Variants in CDH12 observed in about 807,000 individuals in gnomAD.
The protein encoded by CDH12 is cadherin 12, also known as cadherin-12.
In CDH12, 41 loss-of-function variants were observed where a neutral mutation model predicts 74.1. The observed-to-expected ratio is 0.55, with a 90% CI of 0.43 to 0.72. The LOEUF (loss-of-function observed/expected upper bound fraction) is 0.72. CDH12 is among the 30% of genes least tolerant of loss of function. The probability of loss-of-function intolerance (pLI) is 0.00; values close to 1 mark genes in which losing one functional copy is unlikely to be tolerated. For synonymous variants in CDH12, 399 were observed against 355.0 expected (o/e 1.12, Z -1.39); for missense variants, 945 against 977.2 (o/e 0.97, Z 0.44).
intron 4 of CDH12, among the ~76,000 whole-genome samples, chr5:22,211,768 A>G (rs1485022240): frequency 6.6e-6 from 1 of 151,130 alleles, no homozygotes; most frequent in South Asian, 2.1e-4. Context: ...ATAAAACATA[A>G]AAAAGATTTT....
intron 3 of CDH12, among the ~76,000 whole-genome samples, chr5:22,266,365 G>A (rs1365911034): frequency 6.6e-6 from 1 of 152,026 alleles, no homozygotes; most frequent in Non-Finnish European, 1.5e-5. Context: ...GAGCCACCAT[G>A]CCTGGCAAGC....
At chr5:22,035,386 G>GTATA (rs151272918) in intron 5 of CDH12, among the ~76,000 whole-genome samples, 16 of 149,472 alleles carry the variant, frequency 1.1e-4, no homozygotes, top group African/African-American at 3.2e-4. Flanking sequence ...TCTGGCCTGT[G>GTATA]TATATATATA....
At chr5:22,186,581 C>T (rs1290192326) in intron 4 of CDH12, among the ~76,000 whole-genome samples, 2 of 152,288 alleles carry the variant, frequency 1.3e-5, no homozygotes, top group Middle Eastern at 3.4e-3. Context: ...AGTGATGCTC[C>T]TGCCTCAGAC....
chr5:22,647,762 A>G (rs994707910), intron 1 of CDH12, among the ~76,000 whole-genome samples: 4 of 151,836 alleles, frequency 2.6e-5, no homozygotes, highest in Non-Finnish European at 1.5e-5. Flanking sequence ...TAATTTTTCT[A>G]TTGCAGATAT....
intron 3 of CDH12, among the ~76,000 whole-genome samples, chr5:22,298,302 G>A (rs1431668544): frequency 2.0e-5 from 3 of 151,788 alleles, no homozygotes; most frequent in African/African-American, 7.2e-5. Context: ...GAATATGAGT[G>A]TGTATGTATA....
intron 2 of CDH12, among the ~76,000 whole-genome samples, chr5:22,429,431 G>C (rs935392795): frequency 6.6e-6 from 1 of 152,058 alleles, no homozygotes; most frequent in Non-Finnish European, 1.5e-5. Flanking sequence ...GAGCCACTGT[G>C]CCTGGCTATC....
intron 3 of CDH12, among the ~76,000 whole-genome samples, chr5:22,297,451 A>T (rs1737681213): frequency 6.6e-6 from 1 of 152,240 alleles, no homozygotes; most frequent in Admixed American, 6.5e-5. Flanking sequence ...GCTTAAAAAG[A>T]AGATATGTAT....
At chr5:21,951,251 T>C (rs1755847946) in intron 6 of CDH12, among the ~76,000 whole-genome samples, 1 of 152,096 alleles carries the variant, frequency 6.6e-6, no homozygotes, top group Admixed American at 6.6e-5. Flanking sequence ...TTAATATTTA[T>C]TTATTTATTT....
chr5:21,815,907 A>G (rs1748013413), intron 9 of CDH12, among the ~76,000 whole-genome samples: 1 of 152,206 alleles, frequency 6.6e-6, no homozygotes, highest in African/African-American at 2.4e-5. Flanking sequence ...GCAATAAAAA[A>G]TTAGGTTACA....
At chr5:22,659,298 A>C (rs572902231) in intron 1 of CDH12, among the ~76,000 whole-genome samples, 13 of 152,110 alleles carry the variant, frequency 8.5e-5, no homozygotes, top group South Asian at 2.1e-4. Context: ...TAGAGAAATT[A>C]CCTCTATCTC....
At chr5:22,796,056 T>C (rs911568090) in intron 1 of CDH12, among the ~76,000 whole-genome samples, 2 of 152,152 alleles carry the variant, frequency 1.3e-5, no homozygotes, top group African/African-American at 4.8e-5. Flanking sequence ...CACTATTCCA[T>C]TGTGTATATG....
At chr5:22,032,264 T>G (rs1333477565) in intron 5 of CDH12, among the ~76,000 whole-genome samples, 1 of 152,112 alleles carries the variant, frequency 6.6e-6, no homozygotes, top group Non-Finnish European at 1.5e-5. Flanking sequence ...TAAGAAATTT[T>G]TATAACCTAA....
intron 1 of CDH12, among the ~76,000 whole-genome samples, chr5:22,690,402 G>T (rs1742023283): frequency 6.6e-6 from 1 of 152,098 alleles, no homozygotes; most frequent in South Asian, 2.1e-4. Context: ...CAGCTAAAAA[G>T]GAATCCATAA....
chr5:21,993,464 A>C (rs1186712833), intron 5 of CDH12, among the ~76,000 whole-genome samples: 1 of 152,194 alleles, frequency 6.6e-6, no homozygotes, highest in African/African-American at 2.4e-5. Context: ...TCCAAGTGTA[A>C]GAAAAGGAAG....
chr5:22,628,231 G>A (rs992368341), intron 1 of CDH12, among the ~76,000 whole-genome samples: 6 of 151,894 alleles, frequency 4.0e-5, no homozygotes, highest in Non-Finnish European at 8.8e-5. Flanking sequence ...ACTCAAACTC[G>A]ACACTTGACC....
intron 1 of CDH12, among the ~76,000 whole-genome samples, chr5:22,699,927 C>A (rs1487914353): frequency 3.3e-5 from 5 of 152,154 alleles, no homozygotes; most frequent in Non-Finnish European, 5.9e-5. Context: ...GTAATCCCAG[C>A]ACTTTGAGAG....
At chr5:21,883,878 G>A (rs1752490443) in intron 6 of CDH12, 1 of 1,606,680 alleles carries the variant, frequency 6.2e-7, no homozygotes, top group Non-Finnish European at 8.5e-7. Flanking sequence ...TGCTACAAGA[G>A]CTGCTGTTGA....
intron 1 of CDH12, among the ~76,000 whole-genome samples, chr5:22,529,810 G>A (rs1403038908): frequency 6.6e-6 from 1 of 152,020 alleles, no homozygotes; most frequent in African/African-American, 2.4e-5. Flanking sequence ...GAAAATAATT[G>A]TTTATCCTTT....
intron 4 of CDH12, among the ~76,000 whole-genome samples, chr5:22,122,783 G>A (rs1382199583): frequency 2.6e-5 from 4 of 152,208 alleles, no homozygotes; most frequent in Non-Finnish European, 5.9e-5. Flanking sequence ...ACCTGAGAAA[G>A]AAGACTCTCT....
Sources: gnomAD v4.1 joint callset for allele counts (sites outside exome capture counted in the v4.1 genomes callset) on GRCh38, gnomAD v4.1.1 for gene constraint, MANE v1.5 for transcripts, NCBI Gene and HGNC (gene_info 2026-07-23, HGNC 2026-07-21) for gene names.